DIAPH2: variants seen among roughly 807,000 people sequenced by gnomAD.
The protein encoded by DIAPH2 is diaphanous related formin 2, also known as protein diaphanous homolog 2.
A neutral mutation model predicts 92.7 loss-of-function variants in DIAPH2; 35 were observed. The observed-to-expected ratio is 0.38, with a 90% CI of 0.29 to 0.50. DIAPH2 has a LOEUF of 0.50. DIAPH2 is among the 20% of genes least tolerant of loss of function. The pLI, the probability that DIAPH2 is intolerant of heterozygous loss-of-function variation, is 0.94. For synonymous variants in DIAPH2, 301 were observed against 280.4 expected, an observed-to-expected ratio of 1.07 and a Z score of -0.73; for missense variants, 701 against 819.5, an observed-to-expected ratio of 0.86 and a Z score of 1.77.
At chrX:96,715,592 C>G (rs2063944992) in intron 1 of DIAPH2, among the ~76,000 whole-genome samples, 1 of 111,583 alleles carries the variant, frequency 9.0e-6, no homozygotes, top group Non-Finnish European at 1.9e-5. Context: ...ATTGGAGTTA[C>G]ATAGTCCTAG....
intron 23 of DIAPH2, among the ~76,000 whole-genome samples, chrX:97,265,327 T>C (rs1352437405): frequency 8.9e-6 from 1 of 111,840 alleles, no homozygotes; most frequent in Admixed American, 9.6e-5. Context: ...GAGAGTCAAA[T>C]ATTTCCTATG....
intron 17 of DIAPH2, among the ~76,000 whole-genome samples, chrX:97,053,823 T>C (rs2066537334): frequency 8.9e-6 from 1 of 111,831 alleles, no homozygotes; most frequent in Non-Finnish European, 1.9e-5. Flanking sequence ...TGAATGTACA[T>C]GTGCTTTGTG....
intron 4 of DIAPH2, among the ~76,000 whole-genome samples, chrX:96,806,429 C>G (rs1310631534): frequency 9.2e-6 from 1 of 108,768 alleles, no homozygotes; most frequent in Non-Finnish European, 1.9e-5. Context: ...GGCAGATAAC[C>G]TGAGGTCGGG....
At chrX:97,185,517 A>C (rs181919394) in intron 22 of DIAPH2, among the ~76,000 whole-genome samples, 689 of 43,572 alleles carry the variant, frequency 0.016, 36 homozygotes, top group African/African-American at 0.047. Flanking sequence ...ATATATATAT[A>C]TATCTCACTT....
chrX:96,899,203 G>A (rs1436767363), intron 5 of DIAPH2, among the ~76,000 whole-genome samples: 1,189 of 106,989 alleles, frequency 0.011, 21 homozygotes, highest in African/African-American at 0.036. Context: ...TTGACTTGGC[G>A]ATGTGGGCTC....
At chrX:97,006,702 G>A (rs186606413) in intron 17 of DIAPH2, among the ~76,000 whole-genome samples, 1 of 111,974 alleles carries the variant, frequency 8.9e-6, no homozygotes, top group African/African-American at 3.2e-5. Flanking sequence ...AAAAGCAAGA[G>A]CTTTTTTTAA....
intron 9 of DIAPH2, among the ~76,000 whole-genome samples, chrX:96,926,990 T>C (rs997817445): frequency 1.8e-5 from 2 of 111,515 alleles, no homozygotes; most frequent in Non-Finnish European, 3.8e-5. Flanking sequence ...CTCTGGATAA[T>C]GGACTTTGTG....
At chrX:96,812,904 G>C (rs1164764401) in intron 4 of DIAPH2, among the ~76,000 whole-genome samples, 2 of 111,799 alleles carry the variant, frequency 1.8e-5, no homozygotes, top group African/African-American at 3.3e-5. Flanking sequence ...TGTGATTTCT[G>C]TTCTTTTACA....
At chrX:97,311,884 G>GTCATGCTCTGTCACTCAGGC (rs2068796926) in intron 23 of DIAPH2, among the ~76,000 whole-genome samples, 1 of 110,671 alleles carries the variant, frequency 9.0e-6, no homozygotes, top group East Asian at 2.8e-4. Flanking sequence ...CTGGAGTGCA[G>GTCATGCTCTGTCACTCAGGC]TGGAACAATC....
intron 17 of DIAPH2, among the ~76,000 whole-genome samples, chrX:96,987,049 A>C (rs1369938879): frequency 9.0e-6 from 1 of 111,581 alleles, no homozygotes; most frequent in African/African-American, 3.2e-5. Flanking sequence ...GCCTAAATTC[A>C]GTGTAACTGA....
intron 23 of DIAPH2, among the ~76,000 whole-genome samples, chrX:97,312,274 A>C (rs1602498902): frequency 9.1e-6 from 1 of 110,036 alleles, no homozygotes; most frequent in Non-Finnish European, 1.9e-5. Context: ...ACAATTTTGC[A>C]ATGCTAGTTT....
Position 96,994,466 on chromosome X carries a change from TCA to T in DIAPH2, c.2050+29260_2050+29261del, listed in dbSNP as rs2066091843. ...CTATAGGCTACTGTCTTGTAGGCAGTCATGTGTAGAAAGTTTGTAGCTCAGAA... is the reference window on the plus strand; with the variant it reads ...CTATAGGCTACTGTCTTGTAGGCAGTTGTGTAGAAAGTTTGTAGCTCAGAA... On this transcript the variant is annotated intron_variant, in intron 17 of 26. Coordinates refer to ENST00000324765, the MANE Select transcript of DIAPH2 (RefSeq NM_006729.5). Among the ~76,000 whole-genome samples the T allele has an allele frequency of 4.5e-5, 5 of 111,774 alleles. No individual in the cohort carries two copies. The South Asian group carries it at 1.9e-3, about 42-fold the overall frequency.
intron 19 of DIAPH2, among the ~76,000 whole-genome samples, chrX:97,080,219 T>C (rs1261427886): frequency 9.2e-6 from 1 of 109,064 alleles, no homozygotes; most frequent in Non-Finnish European, 1.9e-5. Context: ...TTACATTCTT[T>C]TCATTCCCTT....
At chrX:96,838,702 C>T (rs233690) in intron 4 of DIAPH2, among the ~76,000 whole-genome samples, 46,042 of 110,165 alleles carry the variant, frequency 0.42, 8,226 homozygotes, top group African/African-American at 0.7. Context: ...AACAGTGTAC[C>T]GTAATAGATG....
intron 26 of DIAPH2, among the ~76,000 whole-genome samples, chrX:97,531,201 C>T (rs1355010466): frequency 9.0e-6 from 1 of 111,692 alleles, no homozygotes; most frequent in Non-Finnish European, 1.9e-5. Flanking sequence ...TGTTCTCCTT[C>T]CGTCTTCCCC....
In DIAPH2 at chrX:96,943,726, T is replaced by G. The variant is rs909619530; in HGVS notation, c.1444+1590T>G. On this transcript the variant is annotated intron_variant, in intron 13 of 26. Coordinates refer to ENST00000324765, the MANE Select transcript of DIAPH2 (RefSeq NM_006729.5). Reference sequence around the variant, plus strand: ...TATAAAAAATAATAATTTAGTCAAGTAGTATTCAGTATTCAACAGACGTTT... The same window carrying G: ...TATAAAAAATAATAATTTAGTCAAGGAGTATTCAGTATTCAACAGACGTTT... 7.2e-5 allele frequency among the ~76,000 whole-genome samples: 8 copies of G among 111,170 alleles called. No homozygotes were observed. The East Asian group carries it at 1.1e-3, about 16-fold the overall frequency.
chrX:97,348,321 A>G (rs771245208), intron 24 of DIAPH2, 41 bp downstream of exon 24: 2 of 1,060,719 alleles, frequency 1.9e-6, no homozygotes, highest in Non-Finnish European at 1.3e-6. Flanking sequence ...CCTGTTGCTT[A>G]TATTTCTGAA....
intron 16 of DIAPH2, 71 bp from the exon 17 acceptor site, chrX:96,965,022 A>G: frequency 3.8e-6 from 4 of 1,065,580 alleles, no homozygotes; most frequent in Non-Finnish European, 4.9e-6. Flanking sequence ...AACCTTGCTG[A>G]AAGTTAGTTC....
At chrX:97,209,862 A>T (rs532526468) in intron 22 of DIAPH2, among the ~76,000 whole-genome samples, 1 of 110,603 alleles carries the variant, frequency 9.0e-6, no homozygotes, top group African/African-American at 3.3e-5. Context: ...AATGATTTTA[A>T]CGGAAATCAC....
Sources: gnomAD v4.1 joint callset for allele counts (sites outside exome capture counted in the v4.1 genomes callset) on GRCh38, gnomAD v4.1.1 for gene constraint, MANE v1.5 for transcripts, NCBI Gene and HGNC (gene_info 2026-07-23, HGNC 2026-07-21) for gene names.